The following PLIN3 variants were observed in gnomAD, a reference collection of about 807,000 sequenced individuals.
PLIN3 encodes the protein perilipin-3.
A neutral mutation model predicts 35.9 loss-of-function variants in PLIN3; 30 were observed. The ratio of observed to expected loss-of-function variants is 0.84; its 90% confidence interval spans 0.62 to 1.13. The LOEUF is 1.13. Ranked by LOEUF, PLIN3 falls within the 50% of genes most tolerant of loss-of-function variation. The pLI, the probability that PLIN3 is intolerant of heterozygous loss-of-function variation, is 0.00. For missense variants in PLIN3, 603 were observed against 596.9 expected, an observed-to-expected ratio of 1.01 and a Z score of -0.11; for synonymous variants, 261 against 262.5, an observed-to-expected ratio of 0.99 and a Z score of 0.06.
intron 7 of PLIN3, among the ~76,000 whole-genome samples, chr19:4,842,509 A>C (rs1008451963): frequency 7.4e-5 from 11 of 149,490 alleles, no homozygotes; most frequent in African/African-American, 2.7e-4. Flanking sequence ...CTGAGGCAGG[A>C]GAATCGCTTG....
chr19:4,864,461 T>G (rs201902278), intron 1 of PLIN3, among the ~76,000 whole-genome samples: 17,079 of 143,938 alleles, frequency 0.12, 1,167 homozygotes, highest in East Asian at 0.3. Context: ...GTTTGTTTTT[T>G]TTTTTGTTGT....
chr19:4,861,125 C>T lies in PLIN3; in HGVS notation c.66+204G>A, dbSNP rs557890156. ...AGTTTCAGACAGAACCCTGCTCCCT[C>T]AGGCCCTCCAAGGGCCTTTGAGATT... On this transcript the variant is annotated intron_variant, in intron 2 of 7. Transcript: ENST00000221957. Among the ~76,000 whole-genome samples, 5 of 152,304 alleles carry T rather than the reference C, an allele frequency of 3.3e-5. No individual in the cohort carries two copies. The East Asian group carries it at 9.7e-4, about 29-fold the overall frequency.
At chr19:4,861,458 C>T in intron 1 of PLIN3, 47 bp from the exon 2 acceptor site, 1 of 1,414,848 alleles carries the variant, frequency 7.1e-7, no homozygotes, top group Non-Finnish European at 9.9e-7. Context: ...GCCCCACCTT[C>T]CAGGAGAAAG....
chr19:4,858,948 C>T (rs867035271), intron 4 of PLIN3, among the ~76,000 whole-genome samples: 15 of 151,756 alleles, frequency 9.9e-5, no homozygotes, highest in African/African-American at 3.4e-4. Flanking sequence ...GTGATCCTCC[C>T]GCCTTGGCCT....
At chr19:4,855,551 G>A (rs1402364909) in intron 4 of PLIN3, among the ~76,000 whole-genome samples, 1 of 152,208 alleles carries the variant, frequency 6.6e-6, no homozygotes. Context: ...CAGCACTTTG[G>A]GAAGCCAAGG....
chr19:4,846,086 G>A (rs2030085401), intron 6 of PLIN3, among the ~76,000 whole-genome samples: 1 of 151,464 alleles, frequency 6.6e-6, no homozygotes, highest in African/African-American at 2.4e-5. Flanking sequence ...AATTAGCCAG[G>A]CATGGTGGCC....
At chr19:4,861,189 C>T (rs1355048615) in intron 2 of PLIN3, 140 bp downstream of exon 2, 2 of 732,242 alleles carry the variant, frequency 2.7e-6, no homozygotes, top group Middle Eastern at 4.0e-4. Context: ...GTGGTCCATA[C>T]CCCACTGAGG....
intron 1 of PLIN3, among the ~76,000 whole-genome samples, chr19:4,862,426 C>CCAGCAGGTCTTTGTTTTTGACATTT (rs2030707391): frequency 6.6e-6 from 1 of 152,118 alleles, no homozygotes; most frequent in Non-Finnish European, 1.5e-5. Flanking sequence ...GCCATTGTGC[C>CCAGCAGGTCTTTGTTTTTGACATTT]TGGCCAATGG....
chr19:4,851,898 G>A, intron 5 of PLIN3, 118 bp downstream of exon 5: 2 of 1,068,350 alleles, frequency 1.9e-6, no homozygotes, highest in African/African-American at 1.6e-5. Context: ...AGATGCCCGG[G>A]AGAAGTGGCA....
chr19:4,865,704 T>G (rs2030823446), intron 1 of PLIN3, among the ~76,000 whole-genome samples: 1 of 150,900 alleles, frequency 6.6e-6, no homozygotes, highest in African/African-American at 2.4e-5. Context: ...GAGTCCAGAT[T>G]GGGTTCTTTC....
At chr19:4,849,397 T>G (rs2030211624) in intron 5 of PLIN3, among the ~76,000 whole-genome samples, 2 of 151,988 alleles carry the variant, frequency 1.3e-5, no homozygotes, top group Admixed American at 1.3e-4. Flanking sequence ...AGCCTTGAAC[T>G]CCCAGGCTCA....
Position 4,839,093 on chromosome 19 carries a change from G to GAGTGGCTAGAAAAT in PLIN3, c.*85_*98dup. 4.2e-6 allele frequency: 4 copies of GAGTGGCTAGAAAAT among 950,370 alleles called. No homozygotes were observed. The highest frequency in any genetic ancestry group is 6.3e-6 in the Non-Finnish European group (4 of 630,326). 58.9% of individuals were successfully genotyped at this position (950,370 alleles called of 1,614,324 possible). A position where few individuals can be genotyped will look rare whatever the true frequency, so the allele number is the denominator to read the frequency against. On this transcript the variant is annotated 3_prime_UTR_variant, in exon 8 of 8. Transcript: ENST00000221957. ...GTGGACAGCACAGAAGAGCTGGGAG[G>GAGTGGCTAGAAAAT]AGTGGCTAGAAAATAAGTTTGAAAT...
chr19:4,849,169 C>T (rs1323450100), intron 5 of PLIN3, among the ~76,000 whole-genome samples: 1 of 152,004 alleles, frequency 6.6e-6, no homozygotes, highest in Admixed American at 6.6e-5. Context: ...AATGGGGTCT[C>T]ACTATGTTGC....
intron 1 of PLIN3, among the ~76,000 whole-genome samples, chr19:4,863,955 C>T (rs1282667202): frequency 1.3e-5 from 2 of 151,996 alleles, no homozygotes; most frequent in South Asian, 2.1e-4. Context: ...TTTCTTGAGA[C>T]GGATTTCCGC....
At chr19:4,856,003 A>T (rs185190056) in intron 4 of PLIN3, among the ~76,000 whole-genome samples, 12 of 151,766 alleles carry the variant, frequency 7.9e-5, no homozygotes, top group African/African-American at 2.9e-4. Flanking sequence ...ATGGGAGGTG[A>T]GGAAGTCTAA....
chr19:4,866,256 G>T (rs2030854141), intron 1 of PLIN3, among the ~76,000 whole-genome samples: 1 of 152,054 alleles, frequency 6.6e-6, no homozygotes, highest in Non-Finnish European at 1.5e-5. Flanking sequence ...GACCTCAAAT[G>T]ATCCGCCCAC....
intron 1 of PLIN3, among the ~76,000 whole-genome samples, chr19:4,864,897 T>C (rs2030799256): frequency 6.6e-6 from 1 of 152,016 alleles, no homozygotes; most frequent in Non-Finnish European, 1.5e-5. Flanking sequence ...TTACCTGTAA[T>C]ATGAGGCTAA....
chr19:4,858,589 T>A lies in PLIN3; in HGVS notation c.348+1001A>T, dbSNP rs534654710. On this transcript the variant is annotated intron_variant, in intron 4 of 7. Coordinates refer to ENST00000221957, the MANE Select transcript of PLIN3 (RefSeq NM_005817.5). Reference sequence around the variant, plus strand: ...AGTAGAGATGGGGTTTCACTGTGTTTGCCAGGATGGTCTCGATCTCCTGAC... The same window carrying A: ...AGTAGAGATGGGGTTTCACTGTGTTAGCCAGGATGGTCTCGATCTCCTGAC... 3.0e-3 allele frequency among the ~76,000 whole-genome samples: 459 copies of A among 151,586 alleles called. 3 individuals carry two copies. Among genetic ancestry groups the A allele is most frequent in the African/African-American group, 9.7e-3 (402 of 41,354 alleles).
intron 1 of PLIN3, among the ~76,000 whole-genome samples, chr19:4,863,497 C>A (rs78988347): frequency 1.7e-3 from 206 of 119,930 alleles, no homozygotes; most frequent in Admixed American, 2.0e-3. Context: ...AACTCTGTCT[C>A]AAAAAAAAAA....
Sources: allele counts gnomAD v4.1 joint callset (sites outside exome capture counted in the v4.1 genomes callset), GRCh38; gene constraint gnomAD v4.1.1; transcripts MANE v1.5; gene names NCBI Gene and HGNC (gene_info 2026-07-23, HGNC 2026-07-21).